The following EIF4G3 variants were observed in gnomAD, a reference collection of about 807,000 sequenced individuals.
The protein encoded by EIF4G3 is eukaryotic translation initiation factor 4 gamma 3, also known as eIF-4-gamma 3.
Under a neutral mutation model 186.4 loss-of-function variants are expected in EIF4G3, and 34 were observed. The ratio of observed to expected loss-of-function variants is 0.18; its 90% CI spans 0.14 to 0.24. The LOEUF (loss-of-function observed/expected upper bound fraction) is 0.24, where lower values mean the gene tolerates loss of function less well. EIF4G3 is among the 10% of genes least tolerant of loss of function. The pLI is 1.00. For synonymous variants in EIF4G3, 673 were observed against 679.5 expected, an observed-to-expected ratio of 0.99 and a Z score of 0.15; for missense variants, 1,536 against 1,948.5, an observed-to-expected ratio of 0.79 and a Z score of 3.99.
chr1:21,149,149 AT>A (rs1383802051), intron 2 of EIF4G3, among the ~76,000 whole-genome samples: 1 of 152,158 alleles, frequency 6.6e-6, no homozygotes, highest in African/African-American at 2.4e-5. Context: ...AATAGGAAAA[AT>A]AATACAAAGT....
At chr1:20,879,595 T>A in intron 19 of EIF4G3, 75 bp from the exon 20 acceptor site, 1 of 893,060 alleles carries the variant, frequency 1.1e-6, no homozygotes, top group South Asian at 3.7e-5. Flanking sequence ...TGATTAATTT[T>A]AAAAATAATA....
At chr1:21,139,480 A>C (rs540532387) in intron 2 of EIF4G3, among the ~76,000 whole-genome samples, 12 of 152,118 alleles carry the variant, frequency 7.9e-5, no homozygotes, top group Non-Finnish European at 1.2e-4. Flanking sequence ...AAACTTAAAC[A>C]ATAGGCTCTA....
intron 27 of EIF4G3, among the ~76,000 whole-genome samples, chr1:20,852,706 G>A (rs2073726975): frequency 6.6e-6 from 1 of 152,148 alleles, no homozygotes; most frequent in South Asian, 2.1e-4. Flanking sequence ...ATACACAAGT[G>A]CTTAGGAAGC....
At position 21,010,884 on chromosome 1, in the gene EIF4G3, T is replaced by C. The variant is rs1052899980; in HGVS notation, c.-66-8076A>G. Among the ~76,000 whole-genome samples, 6 of 152,354 alleles carry C rather than the reference T, an allele frequency of 3.9e-5. No homozygotes were observed. In the South Asian group the frequency reaches 1.0e-3, roughly 26 times the overall value. Reference sequence around the variant, plus strand: ...GTCTTAAGCATAGCACTTGTTTTCCTCAGCTAATAAAGACTGAAGCTTTAA... The same window carrying C: ...GTCTTAAGCATAGCACTTGTTTTCCCCAGCTAATAAAGACTGAAGCTTTAA... On this transcript the variant is annotated intron_variant, in intron 4 of 36. Coordinates refer to ENST00000602326, the MANE Select transcript of EIF4G3 (RefSeq NM_001391906.1).
intron 27 of EIF4G3, among the ~76,000 whole-genome samples, chr1:20,852,422 A>G (rs889177167): frequency 2.1e-4 from 32 of 152,250 alleles, no homozygotes; most frequent in Admixed American, 1.9e-3. Flanking sequence ...TGGTATCACT[A>G]TCTCAGAAAT....
At chr1:20,937,003 T>C (rs1304714031) in intron 14 of EIF4G3, among the ~76,000 whole-genome samples, 1 of 152,224 alleles carries the variant, frequency 6.6e-6, no homozygotes, top group African/African-American at 2.4e-5. Flanking sequence ...ATGCCATCCT[T>C]ACATTCCTGG....
intron 29 of EIF4G3, 51 bp downstream of exon 29, chr1:20,849,364 A>G: frequency 9.8e-7 from 1 of 1,023,068 alleles, no homozygotes; most frequent in Non-Finnish European, 1.4e-6. Context: ...AAGTTATTCT[A>G]TACTATCAAA....
intron 4 of EIF4G3, among the ~76,000 whole-genome samples, chr1:21,039,771 T>C (rs2093454072): frequency 6.6e-6 from 1 of 152,144 alleles, no homozygotes; most frequent in South Asian, 2.1e-4. Flanking sequence ...TGATAAGGAA[T>C]TGATATCCAG....
intron 24 of EIF4G3, among the ~76,000 whole-genome samples, chr1:20,858,340 C>G (rs2075543467): frequency 6.6e-6 from 1 of 152,158 alleles, no homozygotes; most frequent in Non-Finnish European, 1.5e-5. Flanking sequence ...GCACTGGCCC[C>G]CTTGCTATTC....
At chr1:20,968,343 C>T (rs1197719285) in intron 12 of EIF4G3, among the ~76,000 whole-genome samples, 1 of 152,040 alleles carries the variant, frequency 6.6e-6, no homozygotes, top group Non-Finnish European at 1.5e-5. Context: ...CCACGCCCAG[C>T]TAATTTTTGT....
At chr1:20,915,474 A>C (rs2093758911) in intron 14 of EIF4G3, among the ~76,000 whole-genome samples, 1 of 152,116 alleles carries the variant, frequency 6.6e-6, no homozygotes. Context: ...GAAAAAAAAA[A>C]CACTAAATAA....
At chr1:21,093,233 A>T (rs1274598747) in intron 2 of EIF4G3, among the ~76,000 whole-genome samples, 4 of 152,156 alleles carry the variant, frequency 2.6e-5, no homozygotes, top group South Asian at 2.1e-4. Flanking sequence ...GAATCTACAA[A>T]GAACTCAAAC....
intron 7 of EIF4G3, among the ~76,000 whole-genome samples, chr1:20,983,354 G>A (rs1435310013): frequency 6.6e-6 from 1 of 152,164 alleles, no homozygotes; most frequent in Non-Finnish European, 1.5e-5. Context: ...AACCTGGGAT[G>A]CAATACAACT....
intron 4 of EIF4G3, among the ~76,000 whole-genome samples, chr1:21,022,735 A>G (rs571906202): frequency 6.6e-6 from 1 of 152,240 alleles, no homozygotes; most frequent in Admixed American, 6.5e-5. Context: ...GGCATGCGTC[A>G]TCACAATTAA....
intron 2 of EIF4G3, among the ~76,000 whole-genome samples, chr1:21,110,564 G>A (rs190977801): frequency 3.3e-5 from 5 of 152,278 alleles, no homozygotes; most frequent in African/African-American, 9.6e-5. Flanking sequence ...CAAAGTGCTA[G>A]GATTACAGGT....
intron 14 of EIF4G3, among the ~76,000 whole-genome samples, chr1:20,939,886 G>A (rs1057095708): frequency 8.8e-5 from 11 of 125,396 alleles, no homozygotes; most frequent in Admixed American, 3.1e-4. Flanking sequence ...ATGGAGTCTC[G>A]ATCTGTTGCC....
intron 7 of EIF4G3, among the ~76,000 whole-genome samples, chr1:20,983,494 A>C (rs1355455352): frequency 6.6e-6 from 1 of 152,262 alleles, no homozygotes; most frequent in Non-Finnish European, 1.5e-5. Flanking sequence ...ATTACAAAGC[A>C]AACAGAATCT....
intron 34 of EIF4G3, 30 bp downstream of exon 34, chr1:20,817,362 G>T (rs777805474): frequency 6.9e-7 from 1 of 1,449,456 alleles, no homozygotes; most frequent in South Asian, 1.7e-5. Flanking sequence ...TCCTGTAGAG[G>T]TATCAGGGAA....
intron 16 of EIF4G3, among the ~76,000 whole-genome samples, chr1:20,898,259 G>A (rs2089050893): frequency 6.6e-6 from 1 of 152,148 alleles, no homozygotes. Flanking sequence ...GGAGGCTGAG[G>A]CAGGAGGACT....
Sources: allele counts gnomAD v4.1 joint callset (sites outside exome capture counted in the v4.1 genomes callset), GRCh38; gene constraint gnomAD v4.1.1; transcripts MANE v1.5; gene names NCBI Gene and HGNC (gene_info 2026-07-23, HGNC 2026-07-21).